Variants in CAMKK1 observed in about 807,000 individuals in gnomAD.
The protein encoded by CAMKK1 is calcium/calmodulin dependent protein kinase kinase 1, also known as calcium/calmodulin-dependent protein kinase kinase 1.
A neutral mutation model predicts 63.5 loss-of-function variants in CAMKK1; 20 were observed. That is an observed-to-expected ratio of 0.32 (90% CI 0.22 to 0.46). The LOEUF is 0.46. Among genes scored for constraint, CAMKK1 ranks in the 20% least tolerant of loss-of-function variants. The pLI, the probability that CAMKK1 is intolerant of heterozygous loss-of-function variation, is 1.00. For synonymous variants in CAMKK1, 253 were observed against 269.0 expected, an observed-to-expected ratio of 0.94 and a Z score of 0.58; for missense variants, 588 against 658.1, an observed-to-expected ratio of 0.89 and a Z score of 1.17.
Position 3,885,645 on chromosome 17 carries a change from C to T in CAMKK1, c.43G>A (p.Glu15Lys). 1 of 1,613,818 alleles carries T rather than the reference C, an allele frequency of 6.2e-7. No homozygotes were observed. The highest frequency in any genetic ancestry group is 8.5e-7 in the Non-Finnish European group (1 of 1,180,032). ...ATGGCTGCCACCCGTTCTACCAGCT[C>T]TGCCCGAGGATCCTGGCAGCAGACA... is the stretch of plus-strand genomic sequence containing the variant. ...PAVCCQDPRA[E>K]LVERVAAIDV... The change falls in exon 2 of 16, where the codon GAG becomes AAG. Residue 15 changes from glutamate (E) to lysine (K), a missense_variant. By Grantham distance (56) the Glu-to-Lys change is moderately conservative. This residue lies in a region of CAMKK1 where 357 missense variants were observed against 407.4 expected (regional missense o/e 0.88). Transcript: ENST00000348335.
rs2054306704 is a variant in CAMKK1, at chr17:3,860,537, G to C, written c.*1674C>G. The C allele has an allele frequency of 6.6e-6, 1 of 152,608 alleles. No individual in the cohort carries two copies. Among genetic ancestry groups the C allele is most frequent in the Non-Finnish European group, 1.5e-5 (1 of 68,050 alleles). The allele number at this position is 152,608 out of a possible 1,614,324, so 9.5% of individuals were successfully genotyped here. A position where few individuals can be genotyped will look rare whatever the true frequency, so the allele number is the denominator to read the frequency against. ...CGATCAAAGTGGTCCCCCCAGACCA[G>C]ATGCTCAAGAAACACTTGGGGATCA... On this transcript the variant is annotated 3_prime_UTR_variant, in exon 16 of 16. Coordinates refer to ENST00000348335, the MANE Select transcript of CAMKK1 (RefSeq NM_032294.3).
At chr17:3,876,118 C>A in intron 10 of CAMKK1, 105 bp downstream of exon 10, 1 of 1,091,790 alleles carries the variant, frequency 9.2e-7, no homozygotes, top group Non-Finnish European at 1.3e-6. Flanking sequence ...ATGTCACTCC[C>A]TAGACACAAA....
rs181753995 is a variant in CAMKK1 at position 3,886,364 on chromosome 17, G to A, written c.-43-634C>T. ...ACAAGGGGATGGGCCCCACATGGTG[G>A]CTCACACTTGTAATCCCAGCACTTT... On this transcript the variant is annotated intron_variant, in intron 1 of 15. Transcript: ENST00000348335. Among the ~76,000 whole-genome samples the A allele has an allele frequency of 6.6e-5, 10 of 152,314 alleles. No homozygotes were observed. In the South Asian group the frequency reaches 1.2e-3, roughly 19 times the overall value.
chr17:3,863,234 G>A (rs947838733), intron 15 of CAMKK1, among the ~76,000 whole-genome samples: 5 of 152,124 alleles, frequency 3.3e-5, no homozygotes, highest in Admixed American at 6.5e-5. Context: ...AGTGGCTCAC[G>A]CCTGTAATCC....
At chr17:3,866,085 G>C in intron 14 of CAMKK1, 74 bp from the exon 15 acceptor site, 1 of 1,553,724 alleles carries the variant, frequency 6.4e-7, no homozygotes, top group Non-Finnish European at 8.7e-7. Context: ...CCGATTCCCC[G>C]AGAGCAGCTG....
Position 3,872,440 on chromosome 17 carries a change from G to A in CAMKK1, c.1124+114C>T, listed in dbSNP as rs935073943. ...GGGGTCCCTCCCAGGGAACAGCACC[G>A]CCACCTTCATATCTGCAGGCTGGGG... On this transcript the variant is annotated intron_variant, in intron 12 of 15. Transcript: ENST00000348335. 9.0e-5 allele frequency: 75 copies of A among 836,852 alleles called. 1 individual carries two copies. The highest frequency in any genetic ancestry group is 2.8e-4 in the South Asian group (18 of 65,060). 51.8% of individuals were successfully genotyped at this position (836,852 alleles called of 1,614,324 possible). A position where few individuals can be genotyped will look rare whatever the true frequency, so the allele number is the denominator to read the frequency against.
At chr17:3,876,173 T>G in intron 10 of CAMKK1, 50 bp downstream of exon 10, 1 of 1,558,440 alleles carries the variant, frequency 6.4e-7, no homozygotes, top group Non-Finnish European at 8.7e-7. Flanking sequence ...TGCGGCAAGC[T>G]ATTACGCCCC....
intron 1 of CAMKK1, among the ~76,000 whole-genome samples, chr17:3,888,112 A>G (rs2055735224): frequency 6.6e-6 from 1 of 152,180 alleles, no homozygotes; most frequent in Non-Finnish European, 1.5e-5. Context: ...CCCAGCACAT[A>G]TAACAGAATG....
Position 3,887,563 on chromosome 17 carries a change from G to A in CAMKK1, c.-43-1833C>T, listed in dbSNP as rs1032396963. On this transcript the variant is annotated intron_variant, in intron 1 of 15. Transcript: ENST00000348335. This position sits in a 1 kb window ranked among gnomAD's most constrained non-coding sequence, Gnocchi z 6.1. ...AGGGCAGGAGACAGTGAGTGCGGCT[G>A]TGGCACAAGGAGGCCTCCCTGGAGG... 6.6e-6 allele frequency among the ~76,000 whole-genome samples: 1 copy of A among 151,990 alleles called. No homozygotes were observed. Among genetic ancestry groups the A allele is most frequent in the Non-Finnish European group, 1.5e-5 (1 of 67,930 alleles).
rs1555545489 is a variant in CAMKK1, at chr17:3,890,008, C to CGTCG, written c.-44+2930_-44+2931insCGAC. 3.9e-5 allele frequency among the ~76,000 whole-genome samples: 6 copies of CGTCG among 152,232 alleles called. No individual in the cohort carries two copies. Among genetic ancestry groups the CGTCG allele is most frequent in the Non-Finnish European group, 8.8e-5 (6 of 68,036 alleles). On this transcript the variant is annotated intron_variant, in intron 1 of 15. Transcript: ENST00000348335. The surrounding 1 kb of genome is among the most constrained non-coding windows in gnomAD (Gnocchi z 6.5). ...CCAAGCCGAGGCAGGGGACCAGCTA[C>CGTCG]ATCCAGGCGAGGGGATGGACAGCCG...
intron 1 of CAMKK1, among the ~76,000 whole-genome samples, chr17:3,888,597 A>G (rs556492227): frequency 5.3e-4 from 81 of 152,358 alleles, no homozygotes; most frequent in African/African-American, 1.9e-3. Flanking sequence ...AGTGCCTGCC[A>G]CTAAGGAGGC....
intron 14 of CAMKK1, among the ~76,000 whole-genome samples, chr17:3,867,116 A>G (rs1394378739): frequency 6.6e-6 from 1 of 152,250 alleles, no homozygotes; most frequent in East Asian, 1.9e-4. Flanking sequence ...AGGAAAAAAT[A>G]AAACAAGGGA....
chr17:3,885,370 C>T lies in CAMKK1; in HGVS notation c.318G>A (p.Arg106=), dbSNP rs1369724493. The change falls in exon 2 of 16, where the codon AGG becomes AGA. Residue 106 remains arginine, a synonymous_variant. Coordinates refer to ENST00000348335, the MANE Select transcript of CAMKK1 (RefSeq NM_032294.3). Reference sequence around the variant, plus strand: ...CCACGTGGTGGGACTCGATGGTGGGCCTCCGCCAGGCCCGGGGGGAGATGT... The same window carrying T: ...CCACGTGGTGGGACTCGATGGTGGGTCTCCGCCAGGCCCGGGGGGAGATGT... ...ASHISPRAWR[R]PTIESHHVAI... 1 of 1,608,440 alleles carries T rather than the reference C, an allele frequency of 6.2e-7. No homozygotes were observed. The highest frequency in any genetic ancestry group is 8.5e-7 in the Non-Finnish European group (1 of 1,177,152).
intron 12 of CAMKK1, among the ~76,000 whole-genome samples, chr17:3,871,883 T>C (rs2054904801): frequency 6.6e-6 from 1 of 151,930 alleles, no homozygotes; most frequent in Non-Finnish European, 1.5e-5. Flanking sequence ...TAACCTCAGG[T>C]GATCTGCCCA....
chr17:3,862,114 A>C lies in CAMKK1; in HGVS notation c.*97T>G, dbSNP rs1490533164. On this transcript the variant is annotated 3_prime_UTR_variant, in exon 16 of 16. Coordinates refer to ENST00000348335, the MANE Select transcript of CAMKK1 (RefSeq NM_032294.3). This position sits in a 1 kb window ranked among gnomAD's most constrained non-coding sequence, Gnocchi z 4.1. ...GGGCGGGAGTGGGGCTGCAGTCCCC[A>C]GCCCCCTGCCTGCGGGGGCGGCTGT... The C allele has an allele frequency of 1.0e-6, 1 of 1,002,554 alleles. No homozygotes were observed. Among genetic ancestry groups the C allele is most frequent in the African/African-American group, 1.6e-5 (1 of 62,832 alleles). The allele number at this position is 1,002,554 out of a possible 1,614,324, so 62.1% of individuals were successfully genotyped here.
intron 1 of CAMKK1, 36 bp from the exon 2 acceptor site, chr17:3,885,766 G>T (rs746466960): frequency 1.3e-6 from 2 of 1,570,322 alleles, no homozygotes; most frequent in Middle Eastern, 1.7e-4. Flanking sequence ...TCACTCCTGG[G>T]TGTCAGGCTG....
Position 3,861,849 on chromosome 17 carries a change from C to T in CAMKK1, c.*362G>A, listed in dbSNP as rs2054341017. On this transcript the variant is annotated 3_prime_UTR_variant, in exon 16 of 16. Coordinates refer to ENST00000348335, the MANE Select transcript of CAMKK1 (RefSeq NM_032294.3). ...GTCTCTTCCGTTGTGGTAAGCCTGG[C>T]CTCCACCTGCCATCTTGGTCTCCTG... 1.4e-4 allele frequency: 43 copies of T among 308,010 alleles called. No individual in the cohort carries two copies. The South Asian group carries it at 1.7e-3, about 12-fold the overall frequency. The allele number at this position is 308,010 out of a possible 1,614,324, so 19.1% of individuals were successfully genotyped here.
rs927156141 is a variant in CAMKK1 at position 3,889,278 on chromosome 17, G to A, written c.-43-3548C>T. On this transcript the variant is annotated intron_variant, in intron 1 of 15. Coordinates refer to ENST00000348335, the MANE Select transcript of CAMKK1 (RefSeq NM_032294.3). This position sits in a 1 kb window ranked among gnomAD's most constrained non-coding sequence, Gnocchi z 5.2. ...TAGATACTCTGTAGAAACTTAATTC[G>A]GTGGATAACTAGGGCCATGTGGGCA... is the stretch of plus-strand genomic sequence containing the variant. Among the ~76,000 whole-genome samples, 23 of 152,050 alleles carry A rather than the reference G, an allele frequency of 1.5e-4. 1 individual carries two copies. In the East Asian group the frequency reaches 4.4e-3, roughly 29 times the overall value.
chr17:3,865,903 C>A lies in CAMKK1; in HGVS notation c.1445+5G>T. On this transcript the variant is annotated splice_donor_5th_base_variant and intron_variant, in intron 15 of 15. Coordinates refer to ENST00000348335, the MANE Select transcript of CAMKK1 (RefSeq NM_032294.3). ...CCCGGCAGTCCCTGGCCCACCAGTA[C>A]TTACACCAGTAGGTTTCCTGGAGCA... 1 of 1,614,162 alleles carries A rather than the reference C, an allele frequency of 6.2e-7. No individual in the cohort carries two copies. The highest frequency in any genetic ancestry group is 8.5e-7 in the Non-Finnish European group (1 of 1,180,040).
Sources: allele counts gnomAD v4.1 joint callset (sites outside exome capture counted in the v4.1 genomes callset), GRCh38; gene constraint gnomAD v4.1.1; regional missense constraint gnomAD v4.1.1; non-coding constraint Gnocchi (gnomAD v3.1); transcripts MANE v1.5; gene names NCBI Gene and HGNC (gene_info 2026-07-23, HGNC 2026-07-21).